UST: variants seen among roughly 807,000 people sequenced by gnomAD.
UST encodes uronyl 2-sulfotransferase, also known as chondroitin sulfate 2-O-sulfotransferase.
A neutral mutation model predicts 45.6 loss-of-function variants in UST; 21 were observed. The observed-to-expected ratio is 0.46, with a 90% CI of 0.33 to 0.66. UST has a LOEUF of 0.66. Among genes scored for constraint, UST ranks in the 30% least tolerant of loss-of-function variants. UST has a pLI of 0.02. For missense variants in UST, 463 were observed against 512.4 expected, an observed-to-expected ratio of 0.90 and a Z score of 0.93; for synonymous variants, 215 against 200.6, an observed-to-expected ratio of 1.07 and a Z score of -0.61.
At chr6:148,908,415 A>C (rs938931410) in intron 2 of UST, among the ~76,000 whole-genome samples, 7 of 152,234 alleles carry the variant, frequency 4.6e-5, no homozygotes, top group Non-Finnish European at 8.8e-5. Flanking sequence ...TTAGTACATT[A>C]GCGAAGTCAC....
At chr6:148,777,093 A>G (rs1378920204) in intron 1 of UST, among the ~76,000 whole-genome samples, 6 of 152,098 alleles carry the variant, frequency 3.9e-5, no homozygotes, top group Non-Finnish European at 8.8e-5. Flanking sequence ...TGGAGCTCCA[A>G]GTGCTTGCTG....
At chr6:148,951,985 A>G (rs1780374013) in intron 3 of UST, among the ~76,000 whole-genome samples, 1 of 152,250 alleles carries the variant, frequency 6.6e-6, no homozygotes, top group African/African-American at 2.4e-5. Flanking sequence ...AATGTGGAAT[A>G]TGTGAAAGAA....
chr6:148,750,938 G>T (rs1775978222), intron 1 of UST, among the ~76,000 whole-genome samples: 1 of 152,240 alleles, frequency 6.6e-6, no homozygotes, highest in Non-Finnish European at 1.5e-5. Flanking sequence ...TCCCAATGTG[G>T]GTCCTTGGAC....
intron 5 of UST, among the ~76,000 whole-genome samples, chr6:148,978,510 A>C (rs555338132): frequency 2.6e-4 from 39 of 152,348 alleles, no homozygotes; most frequent in African/African-American, 8.9e-4. Context: ...GAATGAGTTC[A>C]TGTCCTTTGC....
At chr6:149,057,715 T>C (rs1239215818) in intron 7 of UST, among the ~76,000 whole-genome samples, 1 of 152,154 alleles carries the variant, frequency 6.6e-6, no homozygotes, top group Non-Finnish European at 1.5e-5. Flanking sequence ...TAATTGGTAA[T>C]AATTAAAGAT....
intron 3 of UST, among the ~76,000 whole-genome samples, chr6:148,949,062 G>T (rs10872626): frequency 1.8e-4 from 27 of 151,902 alleles, no homozygotes; most frequent in African/African-American, 6.3e-4. Context: ...AGGCCAAGGC[G>T]GGTGGATCAC....
chr6:148,951,617 T>C (rs985144754), intron 3 of UST, among the ~76,000 whole-genome samples: 2 of 152,138 alleles, frequency 1.3e-5, no homozygotes, highest in Middle Eastern at 3.2e-3. Context: ...GGCAGGCTGC[T>C]GGCCATGGGG....
At chr6:148,837,157 C>T (rs1270939675) in intron 1 of UST, among the ~76,000 whole-genome samples, 3 of 151,892 alleles carry the variant, frequency 2.0e-5, no homozygotes, top group Non-Finnish European at 4.4e-5. Context: ...TACATAATAC[C>T]CCTTTAGTTA....
intron 1 of UST, among the ~76,000 whole-genome samples, chr6:148,763,694 A>G (rs1000327257): frequency 9.8e-5 from 15 of 152,288 alleles, no homozygotes; most frequent in Admixed American, 9.1e-4. Context: ...AAAGGGGTCC[A>G]GTTTCATTCT....
chr6:149,021,261 C>A (rs371331586), intron 6 of UST, 63 bp from the exon 7 acceptor site: 2 of 1,520,138 alleles, frequency 1.3e-6, no homozygotes, highest in East Asian at 2.5e-5. Context: ...GGTAAACTCT[C>A]AGCATCTTGC....
chr6:148,913,699 TGCTTCTGTAGA>T, intron 2 of UST, among the ~76,000 whole-genome samples: 1 of 152,172 alleles, frequency 6.6e-6, no homozygotes, highest in East Asian at 1.9e-4. Flanking sequence ...TATTAATTAT[TGCTTCTGTAGA>T]GAATAATCTG....
At chr6:148,972,882 A>AT (rs61252767) in intron 5 of UST, among the ~76,000 whole-genome samples, 7,079 of 148,868 alleles carry the variant, frequency 0.048, 427 homozygotes, top group African/African-American at 0.14. Flanking sequence ...GGGCTTTGGG[A>AT]TTTTTTTTTT....
At chr6:149,058,318 G>A (rs1233868088) in intron 7 of UST, among the ~76,000 whole-genome samples, 3 of 151,536 alleles carry the variant, frequency 2.0e-5, no homozygotes, top group African/African-American at 7.3e-5. Flanking sequence ...TTTCAGGAGA[G>A]GGCCTCCTCC....
chr6:148,786,405 A>T (rs1776736495), intron 1 of UST, among the ~76,000 whole-genome samples: 1 of 151,950 alleles, frequency 6.6e-6, no homozygotes, highest in South Asian at 2.1e-4. Flanking sequence ...TGCCCTCGAA[A>T]TGGCCCCAGT....
chr6:148,853,143 C>T (rs1778137773), intron 1 of UST, among the ~76,000 whole-genome samples: 1 of 152,042 alleles, frequency 6.6e-6, no homozygotes, highest in South Asian at 2.1e-4. Context: ...TGTGTGTATT[C>T]CCCTCCCTGT....
At chr6:148,975,169 G>A (rs534299431) in intron 5 of UST, among the ~76,000 whole-genome samples, 8 of 152,280 alleles carry the variant, frequency 5.3e-5, no homozygotes, top group Non-Finnish European at 7.4e-5. Context: ...CTTGATGACC[G>A]CTCATCTTTA....
chr6:148,810,365 G>T (rs1197568542), intron 1 of UST, among the ~76,000 whole-genome samples: 1 of 152,140 alleles, frequency 6.6e-6, no homozygotes, highest in Non-Finnish European at 1.5e-5. Flanking sequence ...TTTGCTATTG[G>T]CTTTAGTGGT....
At chr6:149,054,443 C>A (rs972490743) in intron 7 of UST, among the ~76,000 whole-genome samples, 1 of 152,186 alleles carries the variant, frequency 6.6e-6, no homozygotes, top group African/African-American at 2.4e-5. Context: ...TAAAAGGTGT[C>A]AGACACCTAA....
At chr6:149,061,367 G>T (rs989311348) in intron 7 of UST, among the ~76,000 whole-genome samples, 2 of 152,196 alleles carry the variant, frequency 1.3e-5, no homozygotes, top group Middle Eastern at 3.2e-3. Flanking sequence ...TCAAACATAT[G>T]TCAATGCAGC....
Sources: allele counts gnomAD v4.1 joint callset (sites outside exome capture counted in the v4.1 genomes callset), GRCh38; gene constraint gnomAD v4.1.1; transcripts MANE v1.5; gene names NCBI Gene and HGNC (gene_info 2026-07-23, HGNC 2026-07-21).